KATNA1: variants seen among roughly 807,000 people sequenced by gnomAD.
KATNA1 encodes katanin p60 ATPase-containing subunit A1.
In KATNA1, 42 loss-of-function variants were observed where a neutral mutation model predicts 62.6. The observed-to-expected ratio is 0.67, with a 90% CI of 0.52 to 0.87. The LOEUF (loss-of-function observed/expected upper bound fraction) is 0.87, where lower values mean the gene tolerates loss of function less well. Among genes scored for constraint, KATNA1 ranks in the 40% least tolerant of loss-of-function variants. The pLI is 0.00. For missense variants in KATNA1, 498 were observed against 612.5 expected (o/e 0.81, Z 1.97); for synonymous variants, 186 against 201.9 (o/e 0.92, Z 0.67).
intron 4 of KATNA1, among the ~76,000 whole-genome samples, chr6:149,615,176 C>A (rs1267134037): frequency 7.2e-5 from 10 of 139,278 alleles, no homozygotes; most frequent in African/African-American, 5.3e-5. Context: ...CAAAAGAAGA[C>A]AGTAATGTAG....
intron 4 of KATNA1, among the ~76,000 whole-genome samples, chr6:149,608,760 A>G (rs1778835345): frequency 6.6e-6 from 1 of 152,152 alleles, no homozygotes; most frequent in South Asian, 2.1e-4. Context: ...CCACTCCCCA[A>G]CCACAGTGTC....
chr6:149,611,426 TACTCCAGCCTGGGCAACA>T (rs1295390852), intron 4 of KATNA1, among the ~76,000 whole-genome samples: 8 of 130,244 alleles, frequency 6.1e-5, no homozygotes, highest in African/African-American at 2.1e-4. Flanking sequence ...GGCGCCATCG[TACTCCAGCCTGGGCAACA>T]AGAGCAAAAC....
At chr6:149,601,852 T>C (rs1778557268) in intron 6 of KATNA1, 100 bp from the exon 7 acceptor site, 2 of 778,398 alleles carry the variant, frequency 2.6e-6, no homozygotes, top group Middle Eastern at 2.5e-4. Context: ...AACTTATATA[T>C]AATATCAAGA....
chr6:149,631,585 C>A (rs9766379), intron 3 of KATNA1: 64,679 of 144,984 alleles, frequency 0.45, 15,162 homozygotes, highest in East Asian at 0.81. Context: ...CAAAAAAAAA[C>A]ACAAGTAATC....
At chr6:149,628,299 C>T (rs1479422325) in intron 3 of KATNA1, among the ~76,000 whole-genome samples, 8 of 141,218 alleles carry the variant, frequency 5.7e-5, no homozygotes, top group Admixed American at 1.5e-4. Flanking sequence ...TTAGTAGAGA[C>T]GGGGTTTCAC....
At chr6:149,609,370 G>GAA (rs532188676) in intron 4 of KATNA1, among the ~76,000 whole-genome samples, 6 of 145,628 alleles carry the variant, frequency 4.1e-5, no homozygotes, top group African/African-American at 1.5e-4. Context: ...ATTTTTTAAG[G>GAA]AAAAAAAAAA....
At position 149,632,936 on chromosome 6, in the gene KATNA1, T is replaced by C. The variant is rs938695417; in HGVS notation, c.163-20A>G. ...CCAAACCTGATTTCAAAGAAGAAGA[T>C]GGATGTTTAAATTTCTATAATATAT... On this transcript the variant is annotated intron_variant, in intron 2 of 10. Transcript: ENST00000367411. 7 of 1,582,878 alleles carry C rather than the reference T, an allele frequency of 4.4e-6. No homozygotes were observed. The highest frequency in any genetic ancestry group is 4.6e-5 in the East Asian group (2 of 43,764).
chr6:149,621,496 A>AT (rs747566712), intron 4 of KATNA1, among the ~76,000 whole-genome samples: 148 of 138,122 alleles, frequency 1.1e-3, no homozygotes, highest in Admixed American at 1.3e-3. Flanking sequence ...AAAATGAATA[A>AT]TTTTTTTTTT....
intron 4 of KATNA1, among the ~76,000 whole-genome samples, chr6:149,605,878 C>T (rs1269874621): frequency 6.6e-6 from 1 of 152,072 alleles, no homozygotes; most frequent in Non-Finnish European, 1.5e-5. Context: ...AAGCAATTCT[C>T]CTGTCTCAGC....
chr6:149,608,967 T>C (rs901836453), intron 4 of KATNA1, among the ~76,000 whole-genome samples: 2 of 152,042 alleles, frequency 1.3e-5, no homozygotes, highest in African/African-American at 4.8e-5. Flanking sequence ...AGATCTAGAG[T>C]CTCATGATAT....
chr6:149,600,458 C>CG (rs1358514044), intron 7 of KATNA1, among the ~76,000 whole-genome samples: 3 of 151,970 alleles, frequency 2.0e-5, no homozygotes, highest in Non-Finnish European at 2.9e-5. Context: ...CATGGCAAAA[C>CG]CTCATCTCTA....
At chr6:149,638,280 A>T in intron 2 of KATNA1, 106 bp downstream of exon 2, 1 of 1,051,548 alleles carries the variant, frequency 9.5e-7, no homozygotes, top group Non-Finnish European at 1.4e-6. Context: ...TGTGCTCGGT[A>T]GTCATACAGT....
chr6:149,596,967 C>T, intron 10 of KATNA1, 96 bp downstream of exon 10: 3 of 1,269,564 alleles, frequency 2.4e-6, no homozygotes, highest in Non-Finnish European at 3.3e-6. Flanking sequence ...CCAGTCTAGG[C>T]AACAGAGCGA....
At chr6:149,609,829 G>A (rs559547274) in intron 4 of KATNA1, among the ~76,000 whole-genome samples, 24 of 106,984 alleles carry the variant, frequency 2.2e-4, no homozygotes, top group African/African-American at 7.8e-4. Flanking sequence ...GGCCAGGTGC[G>A]GTGGCTCATG....
intron 3 of KATNA1, among the ~76,000 whole-genome samples, chr6:149,626,453 C>T (rs1779614280): frequency 1.3e-5 from 2 of 148,320 alleles, no homozygotes; most frequent in Non-Finnish European, 3.0e-5. Context: ...CGCCACTGCG[C>T]CCGGCTAATT....
At chr6:149,608,570 C>T (rs1004940877) in intron 4 of KATNA1, among the ~76,000 whole-genome samples, 8 of 152,220 alleles carry the variant, frequency 5.3e-5, no homozygotes, top group African/African-American at 1.9e-4. Context: ...AGGCCTAGGA[C>T]TTTCTACTTC....
intron 4 of KATNA1, among the ~76,000 whole-genome samples, chr6:149,612,041 A>G (rs1180229660): frequency 6.6e-6 from 1 of 152,134 alleles, no homozygotes; most frequent in Non-Finnish European, 1.5e-5. Flanking sequence ...AAAATGCTAC[A>G]TACATAAATT....
chr6:149,612,856 C>T (rs1779011145), intron 4 of KATNA1, among the ~76,000 whole-genome samples: 2 of 151,890 alleles, frequency 1.3e-5, no homozygotes, highest in South Asian at 4.2e-4. Flanking sequence ...GAAAAAGACC[C>T]ATGTGATCAT....
chr6:149,619,182 C>T (rs888030356), intron 4 of KATNA1, among the ~76,000 whole-genome samples: 1 of 152,028 alleles, frequency 6.6e-6, no homozygotes, highest in African/African-American at 2.4e-5. Context: ...TTGGAATAGA[C>T]ATCTCTCAAA....
Sources: allele counts gnomAD v4.1 joint callset (sites outside exome capture counted in the v4.1 genomes callset), GRCh38; gene constraint gnomAD v4.1.1; transcripts MANE v1.5; gene names NCBI Gene and HGNC (gene_info 2026-07-23, HGNC 2026-07-21).